GET1: variants seen among roughly 807,000 people sequenced by gnomAD.
GET1 encodes congenital heart disease 5 protein.
GET1 carries 20 observed loss-of-function variants against 22.6 expected under a neutral mutation model. The ratio of observed to expected loss-of-function variants is 0.89; its 90% confidence interval spans 0.62 to 1.29. GET1 has a LOEUF of 1.29. Ranked by LOEUF, GET1 falls within the 50% of genes most tolerant of loss-of-function variation. GET1 has a pLI of 0.00. For missense variants in GET1, 209 were observed against 219.9 expected (o/e 0.95, Z 0.31); for synonymous variants, 92 against 83.8 (o/e 1.10, Z -0.53).
At chr21:39,390,988 T>G in intron 2 of GET1, 125 bp downstream of exon 2, 1 of 1,077,684 alleles carries the variant, frequency 9.3e-7, no homozygotes, top group Non-Finnish European at 1.3e-6. Flanking sequence ...AAACTTAAGT[T>G]ATCTGGAGGA....
chr21:39,398,150 A>G (rs1194686505), downstream of GET1, among the ~76,000 whole-genome samples: 2 of 152,194 alleles, frequency 1.3e-5, no homozygotes, highest in East Asian at 3.9e-4. Context: ...GGAACTGGAC[A>G]CCAGCTTCCA....
At chr21:39,424,835 CAGTT>C (rs879576160) in intron 1 of GET1, among the ~76,000 whole-genome samples, 19 of 152,340 alleles carry the variant, frequency 1.2e-4, no homozygotes, top group Admixed American at 1.1e-3. Flanking sequence ...TAAAAATTAT[CAGTT>C]AGCACCAAAC....
At chr21:39,387,399 G>C (rs927022705) in intron 1 of GET1, among the ~76,000 whole-genome samples, 2 of 152,144 alleles carry the variant, frequency 1.3e-5, no homozygotes, top group African/African-American at 4.8e-5. Flanking sequence ...TGTATAAGGC[G>C]AAATTATCAA....
intron 1 of GET1, among the ~76,000 whole-genome samples, chr21:39,388,620 G>T (rs1324310999): frequency 1.3e-5 from 2 of 152,198 alleles, no homozygotes; most frequent in African/African-American, 4.8e-5. Flanking sequence ...TCATCCGCTG[G>T]TGTGGGACTG....
downstream of GET1, among the ~76,000 whole-genome samples, chr21:39,402,336 C>T (rs891234301): frequency 2.6e-5 from 4 of 152,144 alleles, no homozygotes; most frequent in African/African-American, 9.7e-5. Context: ...AACTCCTGGC[C>T]TCAAGTGATC....
intron 1 of GET1, among the ~76,000 whole-genome samples, chr21:39,381,390 C>T (rs1387389523): frequency 3.9e-5 from 6 of 152,196 alleles, no homozygotes; most frequent in African/African-American, 1.4e-4. Context: ...TTGCTTTTCT[C>T]TCCTAAGATA....
chr21:39,389,313 A>T (rs2038141510), intron 1 of GET1, among the ~76,000 whole-genome samples: 1 of 150,838 alleles, frequency 6.6e-6, no homozygotes, highest in African/African-American at 2.4e-5. Flanking sequence ...ACAAGGTCTC[A>T]CCCTGTCGCC....
At chr21:39,396,496 C>A (rs1464848513) in intron 4 of GET1, among the ~76,000 whole-genome samples, 1 of 151,810 alleles carries the variant, frequency 6.6e-6, no homozygotes, top group African/African-American at 2.4e-5. Context: ...CCACTGTACT[C>A]CCACCTGGGT....
At chr21:39,395,264 G>T (rs1247391591) in intron 4 of GET1, among the ~76,000 whole-genome samples, 1 of 152,084 alleles carries the variant, frequency 6.6e-6, no homozygotes, top group Non-Finnish European at 1.5e-5. Context: ...TTCCGGTCCT[G>T]ATTTTTTGCT....
chr21:39,427,496 A>G (rs940424604), intron 1 of GET1, among the ~76,000 whole-genome samples: 3 of 152,140 alleles, frequency 2.0e-5, no homozygotes, highest in Admixed American at 2.0e-4. Flanking sequence ...CCCTGTCTCT[A>G]CTAAAAATAC....
At chr21:39,414,283 T>C (rs1569075100) in intron 1 of GET1, 1 of 152,182 alleles carries the variant, frequency 6.6e-6, no homozygotes, top group African/African-American at 2.4e-5. Context: ...AGCAGTGTCT[T>C]AATGCAGGAG....
intron 1 of GET1, among the ~76,000 whole-genome samples, chr21:39,418,563 C>A (rs530785027): frequency 6.6e-6 from 1 of 152,104 alleles, no homozygotes; most frequent in South Asian, 2.1e-4. Context: ...TGCAGTGGCA[C>A]AATCTTGGCT....
chr21:39,415,846 T>G (rs1228924383), intron 1 of GET1, among the ~76,000 whole-genome samples: 1 of 152,230 alleles, frequency 6.6e-6, no homozygotes, highest in African/African-American at 2.4e-5. Flanking sequence ...TGCTGCTGAC[T>G]GCATCCCATC....
intron 1 of GET1, among the ~76,000 whole-genome samples, chr21:39,415,262 T>C (rs2040927988): frequency 6.6e-6 from 1 of 152,212 alleles, no homozygotes; most frequent in Admixed American, 6.5e-5. Flanking sequence ...ACAAAAAGCA[T>C]GTGTTGAGGC....
chr21:39,380,342 T>C lies in GET1; in HGVS notation c.-43T>C. ...GTCGCCGCTGTTGTTGTGGTCCCCATGGAGCTGCCGTAGCGGACCCAGCAC... is the reference window on the plus strand; with the variant it reads ...GTCGCCGCTGTTGTTGTGGTCCCCACGGAGCTGCCGTAGCGGACCCAGCAC... On this transcript the variant is annotated 5_prime_UTR_variant, in exon 1 of 5. An upstream start codon of the reference 5' UTR is lost. Transcript: ENST00000649170. The C allele has an allele frequency of 3.2e-6, 5 of 1,563,106 alleles. No homozygotes were observed. The highest frequency in any genetic ancestry group is 1.9e-4 in the Middle Eastern group (1 of 5,364).
At chr21:39,419,802 G>A (rs1344979374) in intron 1 of GET1, among the ~76,000 whole-genome samples, 3 of 152,118 alleles carry the variant, frequency 2.0e-5, no homozygotes, top group Admixed American at 6.6e-5. Flanking sequence ...GCTTGAAACA[G>A]CGTATTTCTT....
rs760030888 is a variant in GET1, at chr21:39,406,265, C to T, written c.*281C>T. ...CTGTACCTCATGTTGCCGGCATTGGCTGGCCCCCCTGAAGCAGGAAGCCCA... is the reference window on the plus strand; with the variant it reads ...CTGTACCTCATGTTGCCGGCATTGGTTGGCCCCCCTGAAGCAGGAAGCCCA... On this transcript the variant is annotated 3_prime_UTR_variant, in exon 5 of 5. Coordinates refer to the GET1 transcript ENST00000415847. 1.2e-6 allele frequency: 2 copies of T among 1,614,234 alleles called. No individual in the cohort carries two copies. Among genetic ancestry groups the T allele is most frequent in the East Asian group, 2.2e-5 (1 of 44,886 alleles).
At chr21:39,423,572 T>C (rs1220343478) in intron 1 of GET1, 21 of 1,233,712 alleles carry the variant, frequency 1.7e-5, no homozygotes, top group Non-Finnish European at 2.2e-5. Flanking sequence ...CTCTCTCCCA[T>C]GCCCCCATGC....
chr21:39,414,581 G>A (rs1454366267), intron 1 of GET1, among the ~76,000 whole-genome samples: 2 of 152,018 alleles, frequency 1.3e-5, no homozygotes, highest in East Asian at 1.9e-4. Context: ...CTCGTGACTC[G>A]CTACCAAAAG....
Sources: gnomAD v4.1 joint callset for allele counts (sites outside exome capture counted in the v4.1 genomes callset) on GRCh38, gnomAD v4.1.1 for gene constraint, MANE v1.5 for transcripts, NCBI Gene and HGNC (gene_info 2026-07-23, HGNC 2026-07-21) for gene names.